Variants in LPAR1 observed in about 807,000 individuals in gnomAD.
LPAR1 encodes the protein lysophosphatidic acid receptor 1.
LPAR1 carries 5 observed loss-of-function variants against 23.8 expected under a neutral mutation model. The observed-to-expected ratio is 0.21, with a 90% CI of 0.11 to 0.44. LPAR1 has a LOEUF of 0.44. Among genes scored for constraint, LPAR1 ranks in the 20% least tolerant of loss-of-function variants. The probability of loss-of-function intolerance (pLI) is 0.99; values close to 1 mark genes in which losing one functional copy is unlikely to be tolerated. For synonymous variants in LPAR1, 160 were observed against 164.7 expected, an observed-to-expected ratio of 0.97 and a Z score of 0.22; for missense variants, 311 against 482.8, an observed-to-expected ratio of 0.64 and a Z score of 3.33.
chr9:111,005,575 A>AAAAAAAAAAAAAAAAG (rs1564316925), intron 2 of LPAR1, among the ~76,000 whole-genome samples: 31 of 131,462 alleles, frequency 2.4e-4, no homozygotes, highest in African/African-American at 1.0e-3. Flanking sequence ...AAAAAAAAAA[A>AAAAAAAAAAAAAAAAG]AAGAAGAATT....
At position 110,944,187 on chromosome 9, in the gene LPAR1, G is replaced by A. The variant is rs2095289763; in HGVS notation, c.46-2019C>T. Among the ~76,000 whole-genome samples the A allele has an allele frequency of 2.6e-5, 4 of 152,164 alleles. No homozygotes were observed. In the South Asian group the frequency reaches 8.3e-4, roughly 32 times the overall value. On this transcript the variant is annotated intron_variant, in intron 4 of 5. Coordinates refer to ENST00000683809, the MANE Select transcript of LPAR1 (RefSeq NM_001351411.2). ...CAAGAACTTCTGATTCAGTAGATCTGAGGTAGGGTCCCAAGTAATGCCAAG... is the reference window on the plus strand; with the variant it reads ...CAAGAACTTCTGATTCAGTAGATCTAAGGTAGGGTCCCAAGTAATGCCAAG...
intron 4 of LPAR1, among the ~76,000 whole-genome samples, chr9:110,945,866 C>T (rs950229472): frequency 6.6e-6 from 1 of 152,144 alleles, no homozygotes; most frequent in African/African-American, 2.4e-5. Flanking sequence ...TCTTCTTTCT[C>T]ACTCTACCAC....
At chr9:110,886,358 C>T (rs540376944) in intron 5 of LPAR1, among the ~76,000 whole-genome samples, 2 of 56,238 alleles carry the variant, frequency 3.6e-5, no homozygotes, top group East Asian at 1.0e-3. Context: ...GAGCGAAACT[C>T]CATCTCAAAA....
chr9:110,961,342 C>T (rs1320738667), intron 4 of LPAR1, among the ~76,000 whole-genome samples: 2 of 151,612 alleles, frequency 1.3e-5, no homozygotes, highest in African/African-American at 2.4e-5. Context: ...GGTTTAGGGC[C>T]AGGCACGGTG....
chr9:110,988,415 A>T (rs1249354472), intron 2 of LPAR1, among the ~76,000 whole-genome samples: 1 of 152,146 alleles, frequency 6.6e-6, no homozygotes, highest in Non-Finnish European at 1.5e-5. Flanking sequence ...TTTGCAAATC[A>T]TAAGGGACTT....
chr9:110,993,028 A>G (rs1457024515), intron 2 of LPAR1, among the ~76,000 whole-genome samples: 1 of 152,204 alleles, frequency 6.6e-6, no homozygotes, highest in East Asian at 1.9e-4. Context: ...TTAAAGAAAA[A>G]CGCTATTTTA....
intron 2 of LPAR1, among the ~76,000 whole-genome samples, chr9:111,000,914 T>C (rs925583545): frequency 6.6e-6 from 1 of 152,158 alleles, no homozygotes; most frequent in Non-Finnish European, 1.5e-5. Context: ...TAAATCTAAC[T>C]AAATGCCTCT....
chr9:110,983,760 C>A (rs2096722445), intron 2 of LPAR1, among the ~76,000 whole-genome samples: 1 of 150,916 alleles, frequency 6.6e-6, no homozygotes, highest in Admixed American at 6.6e-5. Flanking sequence ...AAAAGAAATC[C>A]CATTAAAAAA....
Position 110,875,710 on chromosome 9 carries a change from A to C in LPAR1, c.806T>G (p.Ile269Ser). Reference sequence around the variant, plus strand: ...CAAAACCAATCCAGGAGTCCAGCAGATGATAAAGGCCCCTACAAGGACAAG... The same window carrying C: ...CAAAACCAATCCAGGAGTCCAGCAGCTGATAAAGGCCCCTACAAGGACAAG... ...TVVIVLGAFI[I>S]CWTPGLVLLL... Residue 269 changes from isoleucine (I) to serine (S), a missense_variant, in exon 6 of 6, where the codon ATC (isoleucine) becomes AGC (serine). This residue lies in a region of LPAR1 where 250 missense variants were observed against 427.2 expected (regional missense o/e 0.59). Coordinates refer to ENST00000683809, the MANE Select transcript of LPAR1 (RefSeq NM_001351411.2). 1 of 1,596,764 alleles carries C rather than the reference A, an allele frequency of 6.3e-7. No individual in the cohort carries two copies. The highest frequency in any genetic ancestry group is 8.6e-7 in the Non-Finnish European group (1 of 1,168,642).
chr9:110,993,506 A>G (rs955877746), intron 2 of LPAR1, among the ~76,000 whole-genome samples: 4 of 152,162 alleles, frequency 2.6e-5, no homozygotes, highest in Non-Finnish European at 4.4e-5. Context: ...GGTGAAGAGG[A>G]TGTCCCCATG....
chr9:110,879,154 C>G (rs1433290031), intron 5 of LPAR1, among the ~76,000 whole-genome samples: 1 of 152,104 alleles, frequency 6.6e-6, no homozygotes, highest in Non-Finnish European at 1.5e-5. Context: ...CGGGAGCTCA[C>G]GCCTGTAATC....
chr9:110,927,947 C>G (rs2094156308), intron 5 of LPAR1, among the ~76,000 whole-genome samples: 2 of 152,006 alleles, frequency 1.3e-5, no homozygotes, highest in Admixed American at 6.6e-5. Flanking sequence ...CTAGAAATGT[C>G]TTCTCAATAA....
At chr9:110,928,473 A>G (rs1405180438) in intron 5 of LPAR1, among the ~76,000 whole-genome samples, 2 of 152,214 alleles carry the variant, frequency 1.3e-5, no homozygotes, top group Non-Finnish European at 2.9e-5. Flanking sequence ...ACTCTAGAAT[A>G]TATGTATGGT....
At chr9:110,984,490 A>G (rs1359082437) in intron 2 of LPAR1, among the ~76,000 whole-genome samples, 1 of 152,088 alleles carries the variant, frequency 6.6e-6, no homozygotes, top group Admixed American at 6.6e-5. Context: ...ATGGACACTT[A>G]GGCTGCTTCC....
rs72750194 is a variant in LPAR1 at position 110,983,450 on chromosome 9, A to C, written c.-181-9892T>G. ...ACATATATAAGGTAGCTAATAGTCA[A>C]ATTAATAGAGACAAAGTACAGTAGT... On this transcript the variant is annotated intron_variant, in intron 2 of 5. Transcript: ENST00000683809. Among the ~76,000 whole-genome samples, 1,142 of 152,190 alleles carry C rather than the reference A, an allele frequency of 7.5e-3. 6 individuals carry two copies. Among genetic ancestry groups the C allele is most frequent in the Middle Eastern group, 0.014 (4 of 294 alleles).
intron 5 of LPAR1, among the ~76,000 whole-genome samples, chr9:110,878,514 A>G (rs1393353397): frequency 1.3e-5 from 2 of 152,184 alleles, no homozygotes; most frequent in African/African-American, 4.8e-5. Context: ...CCATAATTCA[A>G]TCAGGTTACA....
chr9:111,013,182 A>C (rs1208066956), intron 2 of LPAR1, among the ~76,000 whole-genome samples: 2 of 152,160 alleles, frequency 1.3e-5, no homozygotes, highest in Non-Finnish European at 2.9e-5. Context: ...GTGCTTGTAA[A>C]ATCCTTTTTG....
intron 5 of LPAR1, among the ~76,000 whole-genome samples, chr9:110,881,190 C>T (rs1467079546): frequency 5.3e-5 from 8 of 152,156 alleles, no homozygotes; most frequent in African/African-American, 1.9e-4. Context: ...TTTACTCCAT[C>T]TAGTTTGGTG....
intron 2 of LPAR1, among the ~76,000 whole-genome samples, chr9:110,975,694 T>C (rs1024692996): frequency 3.9e-5 from 6 of 152,338 alleles, no homozygotes; most frequent in Admixed American, 2.6e-4. Flanking sequence ...ACAGAGAACC[T>C]TGTGCTCTTC....
Sources: allele counts gnomAD v4.1 joint callset (sites outside exome capture counted in the v4.1 genomes callset), GRCh38; gene constraint gnomAD v4.1.1; regional missense constraint gnomAD v4.1.1; transcripts MANE v1.5; gene names NCBI Gene and HGNC (gene_info 2026-07-23, HGNC 2026-07-21).